Variants in CELF1 observed in about 807,000 individuals in gnomAD.
CELF1 encodes CUGBP Elav-like family member 1.
In CELF1, 10 loss-of-function variants were observed where a neutral mutation model predicts 61.8. The ratio of observed to expected loss-of-function variants is 0.16; its 90% confidence interval spans 0.10 to 0.27. The LOEUF (loss-of-function observed/expected upper bound fraction) is 0.27, where lower values mean the gene tolerates loss of function less well. Among genes scored for constraint, CELF1 ranks in the 10% least tolerant of loss-of-function variants. The pLI is 1.00. For synonymous variants in CELF1, 236 were observed against 225.1 expected, an observed-to-expected ratio of 1.05 and a Z score of -0.43; for missense variants, 380 against 639.1, an observed-to-expected ratio of 0.59 and a Z score of 4.37.
chr11:47,487,098 G>T, intron 5 of CELF1, 61 bp downstream of exon 5: 1 of 1,293,840 alleles, frequency 7.7e-7, no homozygotes, highest in Non-Finnish European at 1.1e-6. Context: ...TCTGATATGT[G>T]TAAGTATATC....
intron 1 of CELF1, among the ~76,000 whole-genome samples, chr11:47,544,979 A>G (rs2096896105): frequency 6.6e-6 from 1 of 152,134 alleles, no homozygotes; most frequent in African/African-American, 2.4e-5. Context: ...ATAAAAATAA[A>G]AAAATCAAGA....
intron 1 of CELF1, chr11:47,514,717 A>AT (rs1462393262): frequency 1.0e-4 from 15 of 148,216 alleles, no homozygotes; most frequent in Non-Finnish European, 1.6e-4. Context: ...AAAAAATCAG[A>AT]CAGGCATGGC....
intron 1 of CELF1, among the ~76,000 whole-genome samples, chr11:47,537,172 G>A (rs1413066016): frequency 6.6e-6 from 1 of 151,940 alleles, no homozygotes; most frequent in African/African-American, 2.4e-5. Context: ...TTGTCTAGGA[G>A]CCTTCTGACT....
chr11:47,503,510 T>A (rs1326141007), intron 1 of CELF1, among the ~76,000 whole-genome samples: 1 of 152,162 alleles, frequency 6.6e-6, no homozygotes, highest in Non-Finnish European at 1.5e-5. Context: ...GGAATCAATG[T>A]CATTAAAAAT....
intron 1 of CELF1, among the ~76,000 whole-genome samples, chr11:47,503,146 A>G (rs909355126): frequency 2.0e-5 from 3 of 152,238 alleles, no homozygotes; most frequent in Non-Finnish European, 4.4e-5. Flanking sequence ...CAAATCATTA[A>G]AAGTGATCAA....
intron 3 of CELF1, among the ~76,000 whole-genome samples, chr11:47,499,071 A>G (rs1261970907): frequency 6.6e-6 from 1 of 152,176 alleles, no homozygotes; most frequent in Non-Finnish European, 1.5e-5. Flanking sequence ...TAAAATAATA[A>G]AATACTTCCT....
chr11:47,497,449 A>C (rs1033871816), intron 3 of CELF1, among the ~76,000 whole-genome samples: 1 of 152,202 alleles, frequency 6.6e-6, no homozygotes, highest in Non-Finnish European at 1.5e-5. Context: ...CAAAAATAAA[A>C]AGACCTTTAC....
intron 10 of CELF1, chr11:47,477,652 A>G: frequency 2.2e-6 from 1 of 452,520 alleles, no homozygotes; most frequent in Non-Finnish European, 4.0e-6. Flanking sequence ...ATAGCATACC[A>G]TGCCAAGTGT....
intron 1 of CELF1, among the ~76,000 whole-genome samples, chr11:47,535,787 G>A (rs2096615141): frequency 6.6e-6 from 1 of 150,906 alleles, no homozygotes; most frequent in African/African-American, 2.4e-5. Context: ...TCTTGAGATA[G>A]GGTCTTGCTC....
chr11:47,541,677 C>T (rs1177167269), intron 1 of CELF1, among the ~76,000 whole-genome samples: 3 of 100,548 alleles, frequency 3.0e-5, no homozygotes, highest in African/African-American at 1.0e-4. Flanking sequence ...GGTGACAGGG[C>T]GAGACTGTCA....
rs766203107 is a variant in CELF1, at chr11:47,470,409, T to G, written c.*1821A>C. 6.6e-5 allele frequency: 10 copies of G among 152,082 alleles called. No individual in the cohort carries two copies. Among genetic ancestry groups the G allele is most frequent in the Non-Finnish European group, 1.5e-4 (10 of 68,014 alleles). 9.4% of individuals were successfully genotyped at this position (152,082 alleles called of 1,614,324 possible). On this transcript the variant is annotated 3_prime_UTR_variant, in exon 15 of 15. Coordinates refer to ENST00000687097, the MANE Select transcript of CELF1 (RefSeq NM_001376376.1). Reference sequence around the variant, plus strand: ...TCCTTTGAAACACAGGACACATTTCTCCCAGTGCGCAGAATTTCAAGTTTA... The same window carrying G: ...TCCTTTGAAACACAGGACACATTTCGCCCAGTGCGCAGAATTTCAAGTTTA...
intron 1 of CELF1, among the ~76,000 whole-genome samples, chr11:47,513,134 G>T (rs376493341): frequency 2.6e-5 from 4 of 152,288 alleles, no homozygotes; most frequent in South Asian, 2.1e-4. Context: ...CTCTAAACAA[G>T]TTTTTAAACA....
At chr11:47,539,936 T>G (rs926939527) in intron 1 of CELF1, among the ~76,000 whole-genome samples, 1 of 152,238 alleles carries the variant, frequency 6.6e-6, no homozygotes, top group African/African-American at 2.4e-5. Context: ...CTGAGTTCTC[T>G]GAATGTAGGT....
Position 47,472,113 on chromosome 11 carries a change from G to T in CELF1, c.*117C>A. On this transcript the variant is annotated 3_prime_UTR_variant, in exon 15 of 15. Transcript: ENST00000687097. The stretch of plus-strand genomic sequence containing the variant: ...CAGGGCAAGCTGTGCCTGCGAGAGT[G>T]GCAGGGATCAGGGTCCAGGGCTGTC... The T allele has an allele frequency of 1.6e-6, 2 of 1,213,248 alleles. No homozygotes were observed. Among genetic ancestry groups the T allele is most frequent in the Non-Finnish European group, 2.3e-6 (2 of 857,172 alleles). 75.2% of individuals were successfully genotyped at this position (1,213,248 alleles called of 1,614,324 possible). A position where few individuals can be genotyped will look rare whatever the true frequency, so the allele number is the denominator to read the frequency against.
intron 1 of CELF1, among the ~76,000 whole-genome samples, chr11:47,514,424 C>T (rs1188430194): frequency 6.6e-6 from 1 of 152,180 alleles, no homozygotes; most frequent in African/African-American, 2.4e-5. Flanking sequence ...CCTCCCTAAT[C>T]TAGCTCACCT....
At chr11:47,521,966 A>G (rs1056283463) in intron 1 of CELF1, among the ~76,000 whole-genome samples, 1 of 151,208 alleles carries the variant, frequency 6.6e-6, no homozygotes, top group Non-Finnish European at 1.5e-5. Flanking sequence ...GCTGGAGTGC[A>G]ATGGCATGAT....
intron 1 of CELF1, among the ~76,000 whole-genome samples, chr11:47,541,715 AAAG>A (rs1565904382): frequency 7.4e-4 from 4 of 5,432 alleles, no homozygotes; most frequent in African/African-American, 1.8e-3. Context: ...AGAAAGAAAG[AAAG>A]AAAGAAAGAA....
intron 4 of CELF1, among the ~76,000 whole-genome samples, chr11:47,487,518 A>G (rs960055635): frequency 6.6e-6 from 1 of 152,202 alleles, no homozygotes; most frequent in Admixed American, 6.5e-5. Context: ...GACTTCTCAT[A>G]AAGAAAGGTC....
In CELF1 at chr11:47,479,370, T is replaced by C. The variant is rs556162549; in HGVS notation, c.769-418A>G. Among the ~76,000 whole-genome samples the C allele has an allele frequency of 3.3e-5, 5 of 152,340 alleles. No homozygotes were observed. In the South Asian group the frequency reaches 1.0e-3, roughly 32 times the overall value. ...AGGTCCACACATCTCACTCTGCAGA[T>C]TGTTTCCATCTGGATACTCAATTTC... is the stretch of plus-strand genomic sequence containing the variant. On this transcript the variant is annotated intron_variant, in intron 9 of 14. Coordinates refer to ENST00000687097, the MANE Select transcript of CELF1 (RefSeq NM_001376376.1).
Sources: gnomAD v4.1 joint callset for allele counts (sites outside exome capture counted in the v4.1 genomes callset) on GRCh38, gnomAD v4.1.1 for gene constraint, MANE v1.5 for transcripts, NCBI Gene and HGNC (gene_info 2026-07-23, HGNC 2026-07-21) for gene names.